The following ATR variants were observed in gnomAD, a reference collection of about 807,000 sequenced individuals.
ATR encodes the protein serine/threonine-protein kinase ATR.
A neutral mutation model predicts 305.3 loss-of-function variants in ATR; 142 were observed. The ratio of observed to expected loss-of-function variants is 0.47; its 90% CI spans 0.41 to 0.53. ATR has a LOEUF of 0.53. Ranked by LOEUF, ATR falls within the 20% of genes least tolerant of loss-of-function variation. The pLI is 0.00. For synonymous variants in ATR, 1,050 were observed against 1,068.1 expected (o/e 0.98, Z 0.33); for missense variants, 2,135 against 3,133.1 (o/e 0.68, Z 7.60).
intron 27 of ATR, among the ~76,000 whole-genome samples, chr3:142,511,262 G>A (rs996039582): frequency 6.6e-6 from 1 of 151,954 alleles, no homozygotes; most frequent in Non-Finnish European, 1.5e-5. Flanking sequence ...GGAGGATTAG[G>A]TTAATAACAA....
chr3:142,455,386 C>T (rs1235086067), intron 45 of ATR, among the ~76,000 whole-genome samples: 5 of 152,114 alleles, frequency 3.3e-5, no homozygotes, highest in African/African-American at 1.2e-4. Context: ...AATTCAATGT[C>T]CTTCCTATCA....
intron 16 of ATR, 53 bp downstream of exon 16, chr3:142,547,672 G>A (rs2108450428): frequency 6.4e-7 from 1 of 1,555,968 alleles, no homozygotes; most frequent in Non-Finnish European, 8.8e-7. Context: ...TTATAATTAA[G>A]CTGCAAAAGG....
rs1473439875 is a variant in ATR, at chr3:142,505,315, G to A, written c.5032-12C>T. On this transcript the variant is annotated splice_polypyrimidine_tract_variant and intron_variant, in intron 28 of 46. Coordinates refer to ENST00000350721, the MANE Select transcript of ATR (RefSeq NM_001184.4). ...GCAGCATACAATTTCTTTGTTCAATGATTAAAAAACAATCAAAAACAAGAA... is the reference window on the plus strand; with the variant it reads ...GCAGCATACAATTTCTTTGTTCAATAATTAAAAAACAATCAAAAACAAGAA... The A allele has an allele frequency of 1.9e-6, 3 of 1,612,280 alleles. No individual in the cohort carries two copies. The highest frequency in any genetic ancestry group is 1.7e-6 in the Non-Finnish European group (2 of 1,179,466).
At chr3:142,450,503 C>T in intron 46 of ATR, 1 of 1,604,082 alleles carries the variant, frequency 6.2e-7, no homozygotes, top group Non-Finnish European at 8.5e-7. Context: ...CATCAGGATC[C>T]TTGTGAGGCT....
At chr3:142,487,395 C>T (rs2031010231) in intron 35 of ATR, among the ~76,000 whole-genome samples, 3 of 152,180 alleles carry the variant, frequency 2.0e-5, no homozygotes, top group African/African-American at 4.8e-5. Flanking sequence ...CCTCAGCCTC[C>T]CAAAGTGCTG....
chr3:142,468,463 A>G (rs2071182565), intron 38 of ATR, among the ~76,000 whole-genome samples: 1 of 152,146 alleles, frequency 6.6e-6, no homozygotes, highest in Non-Finnish European at 1.5e-5. Flanking sequence ...TGGAAACAAT[A>G]AAGTGAAAAA....
rs760258182 is a variant in ATR at position 142,496,312 on chromosome 3, A to ACATG, written c.5898+48_5898+49insCATG. The stretch of plus-strand genomic sequence containing the variant: ...TATATATATATATATATATATATAT[A>ACATG]TATATATATATATATATATATATAT... On this transcript the variant is annotated intron_variant, in intron 34 of 46. Transcript: ENST00000350721. The ACATG allele has an allele frequency of 5.1e-5, 10 of 194,992 alleles. 2 individuals are homozygous for ACATG. The highest frequency in any genetic ancestry group is 3.4e-4 in the African/African-American group (10 of 29,576). The allele number at this position is 194,992 out of a possible 1,614,324, so 12.1% of individuals were successfully genotyped here. A position where few individuals can be genotyped will look rare whatever the true frequency, so the allele number is the denominator to read the frequency against.
intron 42 of ATR, among the ~76,000 whole-genome samples, chr3:142,460,205 T>C (rs78081979): frequency 0.028 from 4,236 of 152,136 alleles, 182 homozygotes; most frequent in African/African-American, 0.097. Context: ...TTAACAATAA[T>C]AAATAAAATA....
At chr3:142,501,090 T>C (rs185615178) in intron 30 of ATR, among the ~76,000 whole-genome samples, 200 of 152,208 alleles carry the variant, frequency 1.3e-3, no homozygotes, top group South Asian at 4.1e-3. Flanking sequence ...AAACAGAAAT[T>C]ACCCCAAGAA....
Position 142,547,597 on chromosome 3 carries a change from C to T in ATR, c.3357+128G>A, listed in dbSNP as rs13091637. 199,643 of 1,061,372 alleles carry T rather than the reference C, an allele frequency of 0.19. 20,026 individuals carry two copies. Among genetic ancestry groups the T allele is most frequent in the Admixed American group, 0.2 (8,134 of 39,994 alleles). 65.7% of individuals were successfully genotyped at this position (1,061,372 alleles called of 1,614,324 possible). On this transcript the variant is annotated intron_variant, in intron 16 of 46. Transcript: ENST00000350721. ...AATCAGCCTTTTCAAAATAAAAATA[C>T]CAACTTAAAATTTAAACAAATGGCT...
intron 36 of ATR, among the ~76,000 whole-genome samples, chr3:142,473,562 T>C (rs74425479): frequency 4.0e-5 from 6 of 151,708 alleles, no homozygotes; most frequent in Non-Finnish European, 8.8e-5. Context: ...TTTTTTTTTT[T>C]AGAGACATAG....
chr3:142,497,000 T>G lies in ATR; in HGVS notation c.5738+13A>C, dbSNP rs559587204. 6.2e-6 allele frequency: 10 copies of G among 1,609,568 alleles called. No individual in the cohort carries two copies. Among genetic ancestry groups the G allele is most frequent in the African/African-American group, 2.7e-5 (2 of 74,660 alleles). On this transcript the variant is annotated intron_variant, in intron 33 of 46. Transcript: ENST00000350721. ...AGATAAGTGACATTTTTAAAAAAAG[T>G]AGTGTGAGAAACCTTTTGTTGAGGC... is the stretch of plus-strand genomic sequence containing the variant.
chr3:142,553,191 C>T (rs1330766329), intron 13 of ATR, 36 bp downstream of exon 13: 39 of 1,600,594 alleles, frequency 2.4e-5, no homozygotes, highest in Non-Finnish European at 3.0e-5. Context: ...AAAAGTACTG[C>T]TGTTGCCTAT....
In ATR at chr3:142,556,426, A is replaced by G. The variant is rs1167637388; in HGVS notation, c.2035T>C (p.Leu679=). The change falls in exon 9 of 47, where the codon TTG becomes CTG. Residue 679 remains leucine (L), a synonymous_variant. Coordinates refer to ENST00000350721, the MANE Select transcript of ATR (RefSeq NM_001184.4). The part of the protein sequence containing the change: ...ASCVSGFFIL[L]QQQNSCNRVP... ...CTGTTACAAGAATTCTGCTGCTGCA[A>G]TAAGATAAAAAATCCACTAACACAA... 2 of 1,614,170 alleles carry G rather than the reference A, an allele frequency of 1.2e-6. No homozygotes were observed. The highest frequency in any genetic ancestry group is 1.7e-6 in the Non-Finnish European group (2 of 1,180,000).
intron 29 of ATR, 107 bp from the exon 30 acceptor site, chr3:142,503,560 C>T (rs1205802805): frequency 8.6e-5 from 46 of 535,824 alleles, no homozygotes; most frequent in Non-Finnish European, 7.7e-5. Context: ...TACCTTATTG[C>T]CCTTATTTTT....
At chr3:142,500,977 A>G (rs374755053) in intron 30 of ATR, among the ~76,000 whole-genome samples, 11 of 152,336 alleles carry the variant, frequency 7.2e-5, no homozygotes, top group African/African-American at 2.6e-4. Context: ...AATGGCAATC[A>G]GGATCAGGCT....
At chr3:142,561,082 C>T (rs1404016225) in intron 5 of ATR, among the ~76,000 whole-genome samples, 161 bp downstream of exon 5, 1 of 152,082 alleles carries the variant, frequency 6.6e-6, no homozygotes, top group Admixed American at 6.5e-5. Context: ...TACTACTAAC[C>T]GTCTACAATA....
At chr3:142,478,357 C>T (rs368647481) in intron 36 of ATR, among the ~76,000 whole-genome samples, 1 of 152,188 alleles carries the variant, frequency 6.6e-6, no homozygotes, top group East Asian at 1.9e-4. Flanking sequence ...ACCCAGTAGT[C>T]ATTCAGGAGC....
In ATR at chr3:142,550,234, G is replaced by A. The variant is rs758389323; in HGVS notation, c.2874C>T (p.Asp958=). The stretch of plus-strand genomic sequence containing the variant: ...GGTGAGCCACATCTTGTTTTCGCAC[G>A]TCAGCATTCTGGCATGGAGTATTCG... The part of the protein sequence containing the change: ...ALPNTPCQNA[D]VRKQDVAHQR... Residue 958 remains aspartate, a synonymous_variant, in exon 14 of 47, where the codon GAC becomes GAT. Transcript: ENST00000350721. 9 of 1,613,984 alleles carry A rather than the reference G, an allele frequency of 5.6e-6. 1 individual carries two copies. In the East Asian group the frequency reaches 8.9e-5, roughly 16 times the overall value.
Sources: allele counts gnomAD v4.1 joint callset (sites outside exome capture counted in the v4.1 genomes callset), GRCh38; gene constraint gnomAD v4.1.1; transcripts MANE v1.5; gene names NCBI Gene and HGNC (gene_info 2026-07-23, HGNC 2026-07-21).